Variants in BTD observed in about 807,000 individuals in gnomAD.
BTD encodes the protein biocytinase.
In BTD, 13 loss-of-function variants were observed where a neutral mutation model predicts 17.7. The ratio of observed to expected loss-of-function variants is 0.74; its 90% CI spans 0.48 to 1.17. BTD has a LOEUF of 1.17. Ranked by LOEUF, BTD falls within the 50% of genes most tolerant of loss-of-function variation. The pLI, the probability that BTD is intolerant of heterozygous loss-of-function variation, is 0.00. For missense variants in BTD, 674 were observed against 650.4 expected, an observed-to-expected ratio of 1.04 and a Z score of -0.39; for synonymous variants, 240 against 245.2, an observed-to-expected ratio of 0.98 and a Z score of 0.20.
At chr3:15,634,181 A>C in intron 1 of BTD, among the ~76,000 whole-genome samples, 1 of 152,380 alleles carries the variant, frequency 6.6e-6, no homozygotes, top group South Asian at 2.1e-4. Flanking sequence ...ACTTTTGATA[A>C]AAAATAAAGA....
intron 1 of BTD, among the ~76,000 whole-genome samples, chr3:15,621,466 C>CT (rs1474562100): frequency 6.6e-6 from 1 of 152,174 alleles, no homozygotes; most frequent in Non-Finnish European, 1.5e-5. Context: ...CCCACCTGGA[C>CT]TGGGTGATCT....
downstream of BTD, among the ~76,000 whole-genome samples, chr3:15,658,440 A>T (rs2065892464): frequency 6.6e-6 from 1 of 152,238 alleles, no homozygotes; most frequent in Non-Finnish European, 1.5e-5. Context: ...GGTGCCATGG[A>T]AATTAGTACC....
intron 1 of BTD, among the ~76,000 whole-genome samples, chr3:15,619,578 A>T (rs2125388333): frequency 6.6e-6 from 1 of 152,352 alleles, no homozygotes; most frequent in South Asian, 2.1e-4. Context: ...TTGTTGGTGT[A>T]AAAGTCATTG....
chr3:15,690,012 G>C, intron 3 of BTD: 1 of 1,597,630 alleles, frequency 6.3e-7, no homozygotes, highest in South Asian at 1.1e-5. Flanking sequence ...CATAATATCT[G>C]GCATACCTGC....
At chr3:15,684,505 T>G (rs770158344) in intron 3 of BTD, 1 of 152,198 alleles carries the variant, frequency 6.6e-6, no homozygotes, top group African/African-American at 2.4e-5. Context: ...TCAGAAAACA[T>G]ACATAGATTT....
chr3:15,670,282 A>C, intron 3 of BTD: 1 of 1,613,088 alleles, frequency 6.2e-7, no homozygotes, highest in Admixed American at 1.7e-5. Flanking sequence ...AGTAGGTCTC[A>C]GAATCGGAGT....
intron 3 of BTD, among the ~76,000 whole-genome samples, chr3:15,697,526 T>G (rs1170386294): frequency 6.6e-6 from 1 of 152,094 alleles, no homozygotes; most frequent in Non-Finnish European, 1.5e-5. Flanking sequence ...TTTTTGCCAT[T>G]GGTTCTGTTT....
intron 1 of BTD, among the ~76,000 whole-genome samples, chr3:15,629,235 C>G (rs1036070844): frequency 6.6e-6 from 1 of 152,184 alleles, no homozygotes; most frequent in African/African-American, 2.4e-5. Context: ...ATACATTCCT[C>G]TATCTTCTAC....
At chr3:15,679,321 G>A (rs769016107) in intron 3 of BTD, 25 of 1,613,764 alleles carry the variant, frequency 1.5e-5, no homozygotes, top group South Asian at 6.6e-5. Context: ...AATCTGTGGC[G>A]TTCACAATGC....
At chr3:15,636,766 G>T (rs906558828) in intron 2 of BTD, among the ~76,000 whole-genome samples, 1 of 139,538 alleles carries the variant, frequency 7.2e-6, no homozygotes, top group Non-Finnish European at 1.5e-5. Flanking sequence ...ATATACAAAG[G>T]CTATGTGTAT....
chr3:15,677,747 T>C (rs2067094210), intron 3 of BTD: 3 of 461,658 alleles, frequency 6.5e-6, no homozygotes, highest in Non-Finnish European at 1.2e-5. Flanking sequence ...AATTATATTG[T>C]TGTATAAGTC....
At chr3:15,669,491 C>T (rs2066159755) in intron 3 of BTD, 1 of 152,132 alleles carries the variant, frequency 6.6e-6, no homozygotes, top group Non-Finnish European at 1.5e-5. Flanking sequence ...AGCCTGACCC[C>T]AATCCATCTC....
chr3:15,679,500 G>T (rs370066621), intron 3 of BTD: 7 of 1,613,750 alleles, frequency 4.3e-6, no homozygotes, highest in African/African-American at 1.3e-5. Context: ...TGGACTAAAA[G>T]CATTTCCTTC....
At chr3:15,643,450 A>G (rs1397267734) in intron 3 of BTD, among the ~76,000 whole-genome samples, 4 of 152,178 alleles carry the variant, frequency 2.6e-5, no homozygotes, top group Non-Finnish European at 5.9e-5. Context: ...GCAGTGAGCC[A>G]AGATTGTGCC....
chr3:15,696,315 G>A, intron 3 of BTD: 2 of 1,022,694 alleles, frequency 2.0e-6, no homozygotes, highest in South Asian at 1.6e-5. Context: ...AAAAGAGACT[G>A]AAATTAAAAA....
chr3:15,714,455 C>G, downstream of BTD: 3 of 679,608 alleles, frequency 4.4e-6, no homozygotes, highest in South Asian at 6.2e-5. Flanking sequence ...GCTCTGAAAT[C>G]ATGTATTAAA....
intron 1 of BTD, among the ~76,000 whole-genome samples, chr3:15,627,944 A>T (rs1426750178): frequency 6.6e-6 from 1 of 150,764 alleles, no homozygotes; most frequent in African/African-American, 2.4e-5. Flanking sequence ...CTGGTCTTGA[A>T]CTCCTGACCT....
rs544202885 is a variant in BTD at position 15,707,867 on chromosome 3, G to C, written c.400-2193G>C. 17 of 1,565,168 alleles carry C rather than the reference G, an allele frequency of 1.1e-5. No homozygotes were observed. In the South Asian group the frequency reaches 1.4e-4, roughly 13 times the overall value. Reference sequence around the variant, plus strand: ...AAATTTGCAACAAAAACATCCATATGGAAGATGCCAGTTTATAGAAATATT... The same window carrying C: ...AAATTTGCAACAAAAACATCCATATCGAAGATGCCAGTTTATAGAAATATT... On this transcript the variant is annotated intron_variant, in intron 3 of 3. Coordinates refer to the BTD transcript ENST00000672141.
At position 15,629,612 on chromosome 3, in the gene BTD, C is replaced by T. The variant is rs560124960; in HGVS notation, c.-16-5812C>T. 1.8e-4 allele frequency among the ~76,000 whole-genome samples: 27 copies of T among 152,304 alleles called. 1 individual carries two copies. Among genetic ancestry groups the T allele is most frequent in the South Asian group, 1.5e-3 (7 of 4,818 alleles). On this transcript the variant is annotated intron_variant, in intron 1 of 3. Coordinates refer to ENST00000643237, the MANE Select transcript of BTD (RefSeq NM_001370658.1). ...GATTTGGGCTCACTGCAACCTCCGC[C>T]GCCCGAGTTCAAGCGATTCTCCTGC...
Sources: allele counts gnomAD v4.1 joint callset (sites outside exome capture counted in the v4.1 genomes callset), GRCh38; gene constraint gnomAD v4.1.1; transcripts MANE v1.5; gene names NCBI Gene and HGNC (gene_info 2026-07-23, HGNC 2026-07-21).